Variants in CHM observed in about 807,000 individuals in gnomAD.
CHM encodes rab proteins geranylgeranyltransferase component A 1.
Under a neutral mutation model 49.0 loss-of-function variants are expected in CHM, and 10 were observed. That is an observed-to-expected ratio of 0.20 (90% CI 0.13 to 0.35). The LOEUF is 0.35. Among genes scored for constraint, CHM ranks in the 10% least tolerant of loss-of-function variants. CHM has a pLI of 1.00. For synonymous variants in CHM, 184 were observed against 167.5 expected (o/e 1.10, Z -0.76); for missense variants, 455 against 478.4 (o/e 0.95, Z 0.46).
intron 8 of CHM, among the ~76,000 whole-genome samples, chrX:85,916,648 C>G (rs371616647): frequency 2.2e-4 from 25 of 112,161 alleles, no homozygotes; most frequent in African/African-American, 8.1e-4. Flanking sequence ...TGAACACACA[C>G]TTTTCAAAAG....
At chrX:85,994,164 T>C (rs1932336957) in intron 2 of CHM, among the ~76,000 whole-genome samples, 1 of 112,452 alleles carries the variant, frequency 8.9e-6, no homozygotes, top group Admixed American at 9.4e-5. Flanking sequence ...TTGTGCCTTT[T>C]ACTAGCAGCA....
intron 8 of CHM, among the ~76,000 whole-genome samples, chrX:85,932,995 C>A (rs1399366737): frequency 9.0e-6 from 1 of 111,406 alleles, no homozygotes; most frequent in African/African-American, 3.3e-5. Flanking sequence ...ACACTCCAAT[C>A]AGAAGTCTGT....
chrX:85,890,543 T>G (rs1178604396), intron 12 of CHM, among the ~76,000 whole-genome samples: 1 of 111,745 alleles, frequency 8.9e-6, no homozygotes, highest in Non-Finnish European at 1.9e-5. Flanking sequence ...TCAAGAGATC[T>G]GATGGGTTTA....
Position 85,883,120 on chromosome X carries a change from G to T in CHM, c.1511-4057C>A, listed in dbSNP as rs146867071. On this transcript the variant is annotated intron_variant, in intron 12 of 14. Transcript: ENST00000357749. ...TGTAAAACCTAAGTAAATGCTTGCT[G>T]TAAAAGGTAGGAAATCTATTCCTCA... Among the ~76,000 whole-genome samples, 687 of 111,560 alleles carry T rather than the reference G, an allele frequency of 6.2e-3. 11 individuals carry two copies. In the East Asian group the frequency reaches 0.082, roughly 13 times the overall value.
Position 85,901,084 on chromosome X carries a change from CTGTAT to C in CHM, c.1344_1348del (p.Tyr449AlafsTer11). The C allele has an allele frequency of 8.5e-7, 1 of 1,176,277 alleles. No homozygotes were observed. The highest frequency in any genetic ancestry group is 1.2e-6 in the Non-Finnish European group (1 of 865,016). On this transcript the variant is annotated frameshift_variant and splice_region_variant, in exon 10 of 15. Coordinates refer to ENST00000357749, the MANE Select transcript of CHM (RefSeq NM_000390.4). LOFTEE classifies it high-confidence loss of function. The stretch of plus-strand genomic sequence containing the variant: ...TGCTAATGGGTGGAGGGGGCCTTAC[CTGTAT>C]TGCACACGTGAGCACATGTTCTCAG...
chrX:85,956,891 C>T (rs968251420), intron 7 of CHM, among the ~76,000 whole-genome samples: 1 of 111,560 alleles, frequency 9.0e-6, no homozygotes, highest in African/African-American at 3.3e-5. Context: ...ATAATCACAT[C>T]AAAACATACG....
intron 8 of CHM, among the ~76,000 whole-genome samples, chrX:85,941,653 A>T (rs760563567): frequency 4.2e-4 from 47 of 111,800 alleles, no homozygotes; most frequent in Admixed American, 8.6e-4. Flanking sequence ...TTTAGAATAC[A>T]GCCATATCCA....
intron 2 of CHM, among the ~76,000 whole-genome samples, chrX:86,022,150 C>T (rs1311837363): frequency 9.0e-6 from 1 of 111,640 alleles, no homozygotes; most frequent in Non-Finnish European, 1.9e-5. Flanking sequence ...GAATTCTATG[C>T]TTAAAAATGG....
At chrX:85,988,375 TATGACAA>T (rs1356557495) in intron 2 of CHM, among the ~76,000 whole-genome samples, 1 of 111,681 alleles carries the variant, frequency 9.0e-6, no homozygotes, top group Non-Finnish European at 1.9e-5. Flanking sequence ...AAGAACAATC[TATGACAA>T]ACCCACAGAC....
rs764785728 is a variant in CHM at position 85,921,054 on chromosome X, T to C, written c.1167-9716A>G. Among the ~76,000 whole-genome samples, 10 of 112,310 alleles carry C rather than the reference T, an allele frequency of 8.9e-5. No homozygotes were observed. The South Asian group carries it at 3.3e-3, about 37-fold the overall frequency. On this transcript the variant is annotated intron_variant, in intron 8 of 14. Transcript: ENST00000357749. ...ACTCAAAGTATAACCATGGGAATAG[T>C]GGTCTTCAGAGTACCTAGCAAATTA... is the stretch of plus-strand genomic sequence containing the variant.
At chrX:85,995,895 A>C (rs1932416392) in intron 2 of CHM, among the ~76,000 whole-genome samples, 1 of 111,635 alleles carries the variant, frequency 9.0e-6, no homozygotes, top group Non-Finnish European at 1.9e-5. Context: ...GGAAAGGAGA[A>C]AACTAGGGTA....
intron 8 of CHM, among the ~76,000 whole-genome samples, chrX:85,948,489 A>C (rs1158009648): frequency 1.8e-5 from 2 of 112,239 alleles, no homozygotes; most frequent in Non-Finnish European, 3.8e-5. Flanking sequence ...TTTACCAAAA[A>C]AAAATCTACC....
intron 8 of CHM, among the ~76,000 whole-genome samples, chrX:85,952,360 T>C (rs998043072): frequency 3.6e-5 from 4 of 110,581 alleles, no homozygotes; most frequent in African/African-American, 1.3e-4. Context: ...TTGTCTTTCA[T>C]CTTGGATAGC....
At chrX:85,955,565 A>C (rs1929966334) in intron 8 of CHM, among the ~76,000 whole-genome samples, 1 of 112,373 alleles carries the variant, frequency 8.9e-6, no homozygotes, top group South Asian at 3.7e-4. Flanking sequence ...AGGTTGACAA[A>C]AAAATTTTAA....
chrX:85,950,872 T>G (rs1163457499), intron 8 of CHM, among the ~76,000 whole-genome samples: 1 of 111,024 alleles, frequency 9.0e-6, no homozygotes, highest in Non-Finnish European at 1.9e-5. Flanking sequence ...AAAAACAATG[T>G]GAGAGAAAAA....
intron 1 of CHM, among the ~76,000 whole-genome samples, chrX:86,039,954 C>G (rs1465083277): frequency 8.9e-6 from 1 of 111,940 alleles, no homozygotes; most frequent in East Asian, 2.8e-4. Context: ...AGAGCCATCT[C>G]CATCAGCAAT....
At chrX:85,942,441 G>GA (rs1052989289) in intron 8 of CHM, among the ~76,000 whole-genome samples, 1 of 111,184 alleles carries the variant, frequency 9.0e-6, no homozygotes, top group Non-Finnish European at 1.9e-5. Context: ...GGATGCCTGT[G>GA]AAATGTGATG....
At chrX:86,006,944 T>A (rs1196468923) in intron 2 of CHM, among the ~76,000 whole-genome samples, 3 of 111,459 alleles carry the variant, frequency 2.7e-5, no homozygotes, top group Non-Finnish European at 1.9e-5. Flanking sequence ...AAGAGCCCAC[T>A]TTGCCAAGTC....
intron 14 of CHM, among the ~76,000 whole-genome samples, chrX:85,868,416 T>C (rs1212230155): frequency 9.0e-6 from 1 of 111,058 alleles, no homozygotes; most frequent in Non-Finnish European, 1.9e-5. Context: ...CCATACTCCT[T>C]TGCTAGAGAC....
Sources: allele counts gnomAD v4.1 joint callset (sites outside exome capture counted in the v4.1 genomes callset), GRCh38; gene constraint gnomAD v4.1.1; transcripts MANE v1.5; gene names NCBI Gene and HGNC (gene_info 2026-07-23, HGNC 2026-07-21).